GPR107: variants seen among roughly 807,000 people sequenced by gnomAD.
The protein encoded by GPR107 is protein GPR107.
GPR107 carries 31 observed loss-of-function variants against 75.5 expected under a neutral mutation model. The observed-to-expected ratio is 0.41, with a 90% CI of 0.31 to 0.55. The LOEUF is 0.55. GPR107 is among the 20% of genes least tolerant of loss of function. The pLI, the probability that GPR107 is intolerant of heterozygous loss-of-function variation, is 0.26. For synonymous variants in GPR107, 267 were observed against 251.3 expected, an observed-to-expected ratio of 1.06 and a Z score of -0.59; for missense variants, 572 against 665.7, an observed-to-expected ratio of 0.86 and a Z score of 1.55.
In GPR107 at chr9:130,100,947, G is replaced by T. The variant is rs114899142; in HGVS notation, c.1014-159G>T. Among the ~76,000 whole-genome samples, 799 of 152,318 alleles carry T rather than the reference G, an allele frequency of 5.2e-3. 7 individuals carry two copies. Among genetic ancestry groups the T allele is most frequent in the African/African-American group, 0.018 (763 of 41,562 alleles). ...CTGTGGGGTGCAGAGCTAACTGTGT[G>T]CCCTGAAGGAAGTGGTGCTCATGTA... is the stretch of plus-strand genomic sequence containing the variant. On this transcript the variant is annotated intron_variant, in intron 11 of 17. Coordinates refer to ENST00000347136, the MANE Select transcript of GPR107 (RefSeq NM_020960.5).
Position 130,104,472 on chromosome 9 carries a change from C to T in GPR107, c.1184C>T (p.Thr395Ile), listed in dbSNP as rs1251802280. 6.2e-7 allele frequency: 1 copy of T among 1,612,950 alleles called. No individual in the cohort carries two copies. Reference protein sequence around the residue: ...IIIESTEEGTTEYGLWKDSLF... With the variant: ...IIIESTEEGTIEYGLWKDSLF... Reference sequence around the variant, plus strand: ...ATAGAGTCCACCGAGGAGGGCACGACTGAATATGGCTTGTGGAAGGACTCT... The same window carrying T: ...ATAGAGTCCACCGAGGAGGGCACGATTGAATATGGCTTGTGGAAGGACTCT... The change falls in exon 13 of 18, where the codon ACT becomes ATT. Residue 395 changes from threonine to isoleucine, a missense_variant. Physicochemically the swap from Thr to Ile is moderately conservative, Grantham distance 89. Coordinates refer to ENST00000347136, the MANE Select transcript of GPR107 (RefSeq NM_020960.5).
intron 10 of GPR107, 137 bp downstream of exon 10, chr9:130,099,669 T>A: frequency 1.7e-6 from 1 of 599,150 alleles, no homozygotes; most frequent in Admixed American, 2.9e-5. Flanking sequence ...AGCCTCCTCT[T>A]GTCTGGGAGG....
At chr9:130,126,345 T>C (rs1474971804) in intron 15 of GPR107, among the ~76,000 whole-genome samples, 1 of 147,760 alleles carries the variant, frequency 6.8e-6, no homozygotes, top group Non-Finnish European at 1.5e-5. Context: ...TCCAAGTCTT[T>C]TTTTTTTTTT....
intron 14 of GPR107, among the ~76,000 whole-genome samples, chr9:130,122,242 G>C (rs1340243737): frequency 6.6e-6 from 1 of 152,132 alleles, no homozygotes; most frequent in Non-Finnish European, 1.5e-5. Flanking sequence ...CTAATTGTTG[G>C]TGCTGTGAAG....
At chr9:130,122,231 T>G (rs1238597630) in intron 14 of GPR107, among the ~76,000 whole-genome samples, 1 of 152,114 alleles carries the variant, frequency 6.6e-6, no homozygotes. Context: ...ATTTAAACTG[T>G]CTAATTGTTG....
intron 9 of GPR107, among the ~76,000 whole-genome samples, chr9:130,098,388 C>A (rs937084295): frequency 6.6e-6 from 1 of 152,138 alleles, no homozygotes; most frequent in African/African-American, 2.4e-5. Flanking sequence ...GGCACTTTCT[C>A]CTCACACATC....
chr9:130,117,146 C>T (rs1021003374), intron 14 of GPR107, among the ~76,000 whole-genome samples: 2 of 152,040 alleles, frequency 1.3e-5, no homozygotes, highest in African/African-American at 4.8e-5. Context: ...GAGGTTTTAC[C>T]ATGTTGGCCA....
At chr9:130,099,913 G>T in intron 10 of GPR107, among the ~76,000 whole-genome samples, 1 of 81,536 alleles carries the variant, frequency 1.2e-5, no homozygotes, top group Non-Finnish European at 2.2e-5. Flanking sequence ...TTTTTTTTTT[G>T]AGACGGGGCC....
At chr9:130,085,091 C>T (rs115630833) in intron 6 of GPR107, among the ~76,000 whole-genome samples, 1,654 of 152,156 alleles carry the variant, frequency 0.011, 31 homozygotes, top group African/African-American at 0.038. Context: ...GAGCAGGCTA[C>T]GGGAAGTCAT....
chr9:130,082,430 T>G (rs908471928), intron 5 of GPR107, among the ~76,000 whole-genome samples: 1 of 151,870 alleles, frequency 6.6e-6, no homozygotes, highest in Non-Finnish European at 1.5e-5. Flanking sequence ...ATTCTCTTCC[T>G]TCCTGCAGGG....
chr9:130,080,839 T>A (rs1167591207), intron 5 of GPR107, among the ~76,000 whole-genome samples: 1 of 150,696 alleles, frequency 6.6e-6, no homozygotes, highest in Admixed American at 6.7e-5. Context: ...TTTTTCTCCA[T>A]GTGTTGATTA....
At chr9:130,075,281 G>A (rs1251830659) in intron 1 of GPR107, among the ~76,000 whole-genome samples, 8 of 119,546 alleles carry the variant, frequency 6.7e-5, no homozygotes, top group East Asian at 2.4e-4. Context: ...GTCTTGCTCC[G>A]TCACCCAAGC....
At chr9:130,131,849 C>G (rs1302452333) in intron 17 of GPR107, among the ~76,000 whole-genome samples, 3 of 152,108 alleles carry the variant, frequency 2.0e-5, no homozygotes, top group Non-Finnish European at 4.4e-5. Context: ...GGTGGCTGAC[C>G]TCTTCACTCC....
At chr9:130,134,299 G>T (rs1831899460) in intron 17 of GPR107, among the ~76,000 whole-genome samples, 1 of 152,182 alleles carries the variant, frequency 6.6e-6, no homozygotes, top group Non-Finnish European at 1.5e-5. Context: ...TCCTTCTAAT[G>T]GAAAGGGCTG....
At chr9:130,116,582 G>A (rs934967556) in intron 14 of GPR107, among the ~76,000 whole-genome samples, 5 of 152,296 alleles carry the variant, frequency 3.3e-5, no homozygotes, top group Admixed American at 6.5e-5. Flanking sequence ...ACAGCATTGC[G>A]GCTGCAGGCT....
At chr9:130,097,846 A>G (rs771221938) in intron 9 of GPR107, among the ~76,000 whole-genome samples, 2 of 150,938 alleles carry the variant, frequency 1.3e-5, no homozygotes, top group Non-Finnish European at 3.0e-5. Context: ...AGCTGAAACT[A>G]TAGGGACGCA....
At chr9:130,066,805 G>A (rs1011935612) in intron 1 of GPR107, among the ~76,000 whole-genome samples, 1 of 152,136 alleles carries the variant, frequency 6.6e-6, no homozygotes. Context: ...CTAACACGAT[G>A]AAACCCCGTC....
Position 130,084,047 on chromosome 9 carries a change from C to CATATATATATATATATATATATAT in GPR107, c.564+467_564+468insATATATATATATATATATATATAT, listed in dbSNP as rs139002438. Among the ~76,000 whole-genome samples the CATATATATATATATATATATATAT allele has an allele frequency of 1.1e-3, 138 of 130,870 alleles. 1 individual carries two copies. The highest frequency in any genetic ancestry group is 7.8e-3 in the Middle Eastern group (2 of 258). The allele number at this position is 130,870 out of a possible 152,430, so 85.9% of individuals were successfully genotyped here. A position where few individuals can be genotyped will look rare whatever the true frequency, so the allele number is the denominator to read the frequency against. The stretch of plus-strand genomic sequence containing the variant: ...TGGAACCTGCAATACAGAGAGCTAA[C>CATATATATATATATATATATATAT]ATATATATATATATATATATATGTA... On this transcript the variant is annotated intron_variant, in intron 6 of 17. Transcript: ENST00000347136.
chr9:130,072,223 A>ATT (rs1204270335), intron 1 of GPR107, among the ~76,000 whole-genome samples: 5 of 135,082 alleles, frequency 3.7e-5, no homozygotes, highest in East Asian at 4.2e-4. Flanking sequence ...TATTTATTTA[A>ATT]TTTTTTTTTT....
Sources: gnomAD v4.1 joint callset for allele counts (sites outside exome capture counted in the v4.1 genomes callset) on GRCh38, gnomAD v4.1.1 for gene constraint, MANE v1.5 for transcripts, NCBI Gene and HGNC (gene_info 2026-07-23, HGNC 2026-07-21) for gene names.